Variants in RAB31 observed in about 807,000 individuals in gnomAD.
The protein encoded by RAB31 is RAB31, member RAS oncogene family.
RAB31 carries 21 observed loss-of-function variants against 25.6 expected under a neutral mutation model. The ratio of observed to expected loss-of-function variants is 0.82; its 90% CI spans 0.58 to 1.18. The LOEUF (loss-of-function observed/expected upper bound fraction) is 1.18, where lower values mean the gene tolerates loss of function less well. Ranked by LOEUF, RAB31 falls within the 50% of genes most tolerant of loss-of-function variation. The pLI, the probability that RAB31 is intolerant of heterozygous loss-of-function variation, is 0.00. For missense variants in RAB31, 196 were observed against 250.1 expected (o/e 0.78, Z 1.46); for synonymous variants, 87 against 84.0 (o/e 1.04, Z -0.20).
chr18:9,830,593 A>G (rs1165575408), intron 5 of RAB31: 9 of 152,216 alleles, frequency 5.9e-5, no homozygotes, highest in African/African-American at 2.2e-4. Context: ...CCTCCTGAGT[A>G]GCTAGGACTG....
At chr18:9,739,392 A>C (rs2068166502) in intron 1 of RAB31, among the ~76,000 whole-genome samples, 1 of 152,174 alleles carries the variant, frequency 6.6e-6, no homozygotes, top group Non-Finnish European at 1.5e-5. Context: ...GAATGGCGTG[A>C]ACCTGGGAGG....
At chr18:9,723,450 A>C (rs2068082117) in intron 1 of RAB31, 1 of 152,254 alleles carries the variant, frequency 6.6e-6, no homozygotes, top group African/African-American at 2.4e-5. Flanking sequence ...ATGGCAAATA[A>C]AAATTTTTAA....
chr18:9,862,026 G>A lies in RAB31; in HGVS notation c.*2701G>A, dbSNP rs879534108. On this transcript the variant is annotated 3_prime_UTR_variant, in exon 7 of 7. Coordinates refer to ENST00000578921, the MANE Select transcript of RAB31 (RefSeq NM_006868.4). The stretch of plus-strand genomic sequence containing the variant: ...TACCTTGCAGACTAAAAGGTTGAAG[G>A]CCCGAAACTAACTTTTAGCTAACAA... 1.3e-5 allele frequency: 2 copies of A among 152,632 alleles called. No individual in the cohort carries two copies. Among genetic ancestry groups the A allele is most frequent in the South Asian group, 2.1e-4 (1 of 4,832 alleles). The allele number at this position is 152,632 out of a possible 1,614,324, so 9.5% of individuals were successfully genotyped here.
In RAB31 at chr18:9,761,391, T is replaced by C. The variant is rs552360663; in HGVS notation, c.40-13887T>C. On this transcript the variant is annotated intron_variant, in intron 1 of 6. Transcript: ENST00000578921. ...TGAAAGATTAAACCTGTAACAAGCC[T>C]GGAGAGTCAGTGCTTACTAAATGCC... Among the ~76,000 whole-genome samples, 4 of 152,364 alleles carry C rather than the reference T, an allele frequency of 2.6e-5. 1 individual carries two copies. The highest frequency in any genetic ancestry group is 9.6e-5 in the African/African-American group (4 of 41,584).
chr18:9,774,755 A>G (rs1274698899), intron 1 of RAB31: 1 of 471,440 alleles, frequency 2.1e-6, no homozygotes, highest in Non-Finnish European at 4.2e-6. Flanking sequence ...CAAGACCATT[A>G]TATAATTAAG....
intron 1 of RAB31, among the ~76,000 whole-genome samples, chr18:9,764,243 T>C (rs908565929): frequency 2.0e-5 from 3 of 152,206 alleles, no homozygotes; most frequent in Non-Finnish European, 2.9e-5. Context: ...TTTGATTCCT[T>C]TGTAAAGTTT....
At chr18:9,749,509 A>C (rs1040979993) in intron 1 of RAB31, among the ~76,000 whole-genome samples, 9 of 152,186 alleles carry the variant, frequency 5.9e-5, no homozygotes, top group African/African-American at 1.9e-4. Context: ...TGTAATTTAT[A>C]GTTTACATAG....
In RAB31 at chr18:9,708,474, C is replaced by T. The variant is rs762154802; in HGVS notation, c.39+30C>T. ...GTCCTGGCCGCCACCCGCCGGCGGA[C>T]CCCGGCCCGCGCTCTCGCGCCCCTT... On this transcript the variant is annotated intron_variant, in intron 1 of 6. Coordinates refer to ENST00000578921, the MANE Select transcript of RAB31 (RefSeq NM_006868.4). The surrounding 1 kb of genome is among the most constrained non-coding windows in gnomAD (Gnocchi z 6.4). 2 of 1,541,268 alleles carry T rather than the reference C, an allele frequency of 1.3e-6. No individual in the cohort carries two copies. Among genetic ancestry groups the T allele is most frequent in the East Asian group, 2.6e-5 (1 of 38,272 alleles).
chr18:9,756,134 A>T (rs2068259429), intron 1 of RAB31, among the ~76,000 whole-genome samples: 1 of 152,178 alleles, frequency 6.6e-6, no homozygotes, highest in Non-Finnish European at 1.5e-5. Flanking sequence ...AGTTGTGGGG[A>T]TGCAGTAGAT....
intron 5 of RAB31, among the ~76,000 whole-genome samples, chr18:9,834,816 C>T (rs1383652327): frequency 6.6e-6 from 1 of 152,158 alleles, no homozygotes; most frequent in Non-Finnish European, 1.5e-5. Flanking sequence ...ACAGAGTAAT[C>T]TCTTTTGCCT....
intron 5 of RAB31, among the ~76,000 whole-genome samples, chr18:9,817,196 G>C (rs976877778): frequency 6.6e-6 from 1 of 152,154 alleles, no homozygotes; most frequent in Non-Finnish European, 1.5e-5. Flanking sequence ...TTTGCTGAGA[G>C]AAGGTGCTAT....
Position 9,782,264 on chromosome 18 carries a change from C to T in RAB31, c.119+6907C>T, listed in dbSNP as rs186677821. Among the ~76,000 whole-genome samples, 8 of 152,322 alleles carry T rather than the reference C, an allele frequency of 5.3e-5. No homozygotes were observed. In the South Asian group the frequency reaches 6.2e-4, roughly 12 times the overall value. ...CCTTCTTGGCGGTAACCCTGCTGGCCACCCCCAGGCCCAGGGCGGTTAGGG... is the reference window on the plus strand; with the variant it reads ...CCTTCTTGGCGGTAACCCTGCTGGCTACCCCCAGGCCCAGGGCGGTTAGGG... On this transcript the variant is annotated intron_variant, in intron 2 of 6. Transcript: ENST00000578921.
chr18:9,801,355 C>A (rs1419591870), intron 3 of RAB31, among the ~76,000 whole-genome samples: 1 of 150,248 alleles, frequency 6.7e-6, no homozygotes, highest in Non-Finnish European at 1.5e-5. Context: ...GATCTTGGCT[C>A]ACTGCATCCT....
At chr18:9,827,265 G>A (rs962325413) in intron 5 of RAB31, among the ~76,000 whole-genome samples, 1 of 152,042 alleles carries the variant, frequency 6.6e-6, no homozygotes, top group African/African-American at 2.4e-5. Context: ...GGCCACGAAT[G>A]AATCAGAAGG....
rs145160084 is a variant in RAB31, at chr18:9,772,103, T to C, written c.40-3175T>C. 4.6e-5 allele frequency among the ~76,000 whole-genome samples: 7 copies of C among 152,284 alleles called. 1 individual carries two copies. The East Asian group carries it at 1.4e-3, about 30-fold the overall frequency. On this transcript the variant is annotated intron_variant, in intron 1 of 6. Transcript: ENST00000578921. Reference sequence around the variant, plus strand: ...TCCGCCTTCAAGGGCGTTTTGGGGCTGGCCTTGCAGGATTGATTTGTTGGC... The same window carrying C: ...TCCGCCTTCAAGGGCGTTTTGGGGCCGGCCTTGCAGGATTGATTTGTTGGC...
chr18:9,714,341 A>G (rs1229357705), intron 1 of RAB31, among the ~76,000 whole-genome samples: 2 of 152,214 alleles, frequency 1.3e-5, no homozygotes, highest in Non-Finnish European at 2.9e-5. Context: ...GGAGCATGCA[A>G]CTTAGATCCC....
At chr18:9,741,961 T>C (rs2068181791) in intron 1 of RAB31, among the ~76,000 whole-genome samples, 1 of 152,234 alleles carries the variant, frequency 6.6e-6, no homozygotes, top group Non-Finnish European at 1.5e-5. Flanking sequence ...CCAAAGTGGC[T>C]GCCTGGCCTG....
At chr18:9,736,423 C>T (rs574697797) in intron 1 of RAB31, among the ~76,000 whole-genome samples, 2 of 152,266 alleles carry the variant, frequency 1.3e-5, no homozygotes, top group Admixed American at 1.3e-4. Context: ...AGATGATGCT[C>T]AGGGTACTGG....
intron 6 of RAB31, among the ~76,000 whole-genome samples, chr18:9,854,401 TA>T (rs1172385474): frequency 6.6e-6 from 1 of 152,158 alleles, no homozygotes; most frequent in Non-Finnish European, 1.5e-5. Flanking sequence ...CCTAGACTTT[TA>T]ACTTCAGGCT....
Sources: allele counts gnomAD v4.1 joint callset (sites outside exome capture counted in the v4.1 genomes callset), GRCh38; gene constraint gnomAD v4.1.1; non-coding constraint Gnocchi (gnomAD v3.1); transcripts MANE v1.5; gene names NCBI Gene and HGNC (gene_info 2026-07-23, HGNC 2026-07-21).